The following MALRD1 variants were observed in gnomAD, a reference collection of about 807,000 sequenced individuals.
MALRD1 encodes the protein MAM and LDL receptor class A domain containing 1, also known as MAM and LDL-receptor class A domain-containing protein 1.
Under a neutral mutation model 242.1 loss-of-function variants are expected in MALRD1, and 247 were observed. The observed-to-expected ratio is 1.02, with a 90% CI of 0.92 to 1.13. The LOEUF (loss-of-function observed/expected upper bound fraction) is 1.13. Ranked by LOEUF, MALRD1 falls within the 50% of genes most tolerant of loss-of-function variation. MALRD1 has a pLI of 0.00. For missense variants in MALRD1, 2,989 were observed against 2,533.1 expected, an observed-to-expected ratio of 1.18 and a Z score of -3.86; for synonymous variants, 995 against 866.6, an observed-to-expected ratio of 1.15 and a Z score of -2.60.
intron 36 of MALRD1, among the ~76,000 whole-genome samples, chr10:19,617,780 G>A (rs1004853873): frequency 9.9e-5 from 15 of 151,922 alleles, no homozygotes; most frequent in African/African-American, 2.9e-4. Context: ...TAGGTTCAGG[G>A]TTTATTTTAG....
chr10:19,582,798 G>A (rs1471231643), intron 33 of MALRD1, among the ~76,000 whole-genome samples: 1 of 36,588 alleles, frequency 2.7e-5, no homozygotes, highest in African/African-American at 1.3e-4. Context: ...CATTGAATCT[G>A]TAAATTACCT....
chr10:19,262,357 G>A (rs1371769627), intron 19 of MALRD1, among the ~76,000 whole-genome samples: 1 of 151,904 alleles, frequency 6.6e-6, no homozygotes, highest in Non-Finnish European at 1.5e-5. Flanking sequence ...CTGTGTGTGT[G>A]TGTGGTAAGA....
chr10:19,236,513 A>G (rs1203970060), intron 18 of MALRD1, among the ~76,000 whole-genome samples: 1 of 152,184 alleles, frequency 6.6e-6, no homozygotes, highest in East Asian at 1.9e-4. Flanking sequence ...AGGCAACTTG[A>G]TAAGGTATCC....
intron 34 of MALRD1, among the ~76,000 whole-genome samples, chr10:19,597,347 G>A (rs552089206): frequency 3.3e-5 from 5 of 152,274 alleles, no homozygotes; most frequent in African/African-American, 7.2e-5. Flanking sequence ...GGAAGGTACT[G>A]TGTCCTTATA....
intron 32 of MALRD1, among the ~76,000 whole-genome samples, chr10:19,562,843 C>G (rs1424668473): frequency 6.6e-6 from 1 of 152,080 alleles, no homozygotes; most frequent in Non-Finnish European, 1.5e-5. Flanking sequence ...AGATTGTGTG[C>G]TCCTCATGAG....
rs1336450904 is a variant in MALRD1, at chr10:19,088,692, T to C, written c.597+507T>C. Among the ~76,000 whole-genome samples, 4 of 105,674 alleles carry C rather than the reference T, an allele frequency of 3.8e-5. No individual in the cohort carries two copies. The South Asian group carries it at 1.4e-3, about 37-fold the overall frequency. The allele number at this position is 105,674 out of a possible 152,430, so 69.3% of individuals were successfully genotyped here. On this transcript the variant is annotated intron_variant, in intron 4 of 39. Transcript: ENST00000454679. ...TGCTGGTGCGCTGCACCCACTAACG[T>C]GTCATCTAGCATTAGGTATATCTCC...
At chr10:19,678,801 T>C (rs1842242994) in intron 36 of MALRD1, among the ~76,000 whole-genome samples, 1 of 152,164 alleles carries the variant, frequency 6.6e-6, no homozygotes, top group Non-Finnish European at 1.5e-5. Flanking sequence ...TAAATGGCTT[T>C]TATTATTTTG....
chr10:19,414,764 A>C (rs1413509964), intron 28 of MALRD1, among the ~76,000 whole-genome samples: 1 of 152,142 alleles, frequency 6.6e-6, no homozygotes, highest in Non-Finnish European at 1.5e-5. Context: ...TTCCCCCAAG[A>C]ACTCTACAGG....
intron 31 of MALRD1, among the ~76,000 whole-genome samples, chr10:19,501,613 C>G (rs1421781896): frequency 6.6e-6 from 1 of 152,072 alleles, no homozygotes; most frequent in Non-Finnish European, 1.5e-5. Context: ...TAAATCTGTA[C>G]ATAGATATTT....
chr10:19,387,329 T>A (rs1846123818), intron 26 of MALRD1, among the ~76,000 whole-genome samples, 199 bp from the exon 27 acceptor site: 1 of 149,222 alleles, frequency 6.7e-6, no homozygotes. Flanking sequence ...TTGTGAATAA[T>A]CATAGTCATG....
chr10:19,201,834 G>C (rs1836552863), intron 14 of MALRD1, among the ~76,000 whole-genome samples: 2 of 150,684 alleles, frequency 1.3e-5, no homozygotes, highest in African/African-American at 4.9e-5. Flanking sequence ...TCTTTTTTTT[G>C]AGACAGAGTC....
chr10:19,505,269 C>T (rs1358721266), intron 31 of MALRD1, among the ~76,000 whole-genome samples: 1 of 152,084 alleles, frequency 6.6e-6, no homozygotes, highest in Non-Finnish European at 1.5e-5. Flanking sequence ...TGAATTGTGC[C>T]CCCTTCCTCC....
At chr10:19,465,504 T>G (rs1378777881) in intron 29 of MALRD1, among the ~76,000 whole-genome samples, 1 of 152,176 alleles carries the variant, frequency 6.6e-6, no homozygotes, top group Admixed American at 6.5e-5. Flanking sequence ...CTGTTGAGGT[T>G]GCTTGTTGTT....
intron 38 of MALRD1, among the ~76,000 whole-genome samples, chr10:19,709,974 G>A (rs1834031845): frequency 2.0e-5 from 3 of 152,068 alleles, no homozygotes; most frequent in South Asian, 4.1e-4. Context: ...TATAAATAAC[G>A]TGTTGGGCAG....
At chr10:19,297,908 G>T (rs1394129513) in intron 21 of MALRD1, among the ~76,000 whole-genome samples, 2 of 151,862 alleles carry the variant, frequency 1.3e-5, no homozygotes, top group South Asian at 4.1e-4. Flanking sequence ...CAAGCAAAGC[G>T]ATGGCTACAC....
chr10:19,306,376 C>T (rs958623062), intron 21 of MALRD1, among the ~76,000 whole-genome samples: 21 of 95,772 alleles, frequency 2.2e-4, no homozygotes, highest in African/African-American at 7.0e-4. Flanking sequence ...GTATATATAC[C>T]GTGTATAGTA....
At chr10:19,374,470 TAG>T (rs1347975986) in intron 26 of MALRD1, among the ~76,000 whole-genome samples, 1 of 152,220 alleles carries the variant, frequency 6.6e-6, no homozygotes, top group Non-Finnish European at 1.5e-5. Context: ...CAAACCTACT[TAG>T]TTTATTTCCT....
intron 36 of MALRD1, among the ~76,000 whole-genome samples, chr10:19,651,075 CA>C (rs1291739842): frequency 6.6e-6 from 1 of 152,154 alleles, no homozygotes; most frequent in African/African-American, 2.4e-5. Context: ...TACTTAAAGT[CA>C]ATAATGGCAT....
intron 33 of MALRD1, among the ~76,000 whole-genome samples, chr10:19,572,950 C>T (rs1836635490): frequency 6.6e-6 from 1 of 152,218 alleles, no homozygotes; most frequent in Non-Finnish European, 1.5e-5. Flanking sequence ...ACTATGGAAG[C>T]ATAAATGTCT....
Sources: gnomAD v4.1 joint callset for allele counts (sites outside exome capture counted in the v4.1 genomes callset) on GRCh38, gnomAD v4.1.1 for gene constraint, MANE v1.5 for transcripts, NCBI Gene and HGNC (gene_info 2026-07-23, HGNC 2026-07-21) for gene names.